Variants in MDGA2 observed in about 807,000 individuals in gnomAD.
MDGA2 encodes the protein MAM domain-containing glycosylphosphatidylinositol anchor protein 2.
Under a neutral mutation model 117.8 loss-of-function variants are expected in MDGA2, and 40 were observed. That is an observed-to-expected ratio of 0.34 (90% CI 0.26 to 0.44). The LOEUF (loss-of-function observed/expected upper bound fraction) is 0.44, where lower values mean the gene tolerates loss of function less well. Ranked by LOEUF, MDGA2 falls within the 20% of genes least tolerant of loss-of-function variation. The pLI is 1.00. For missense variants in MDGA2, 1,123 were observed against 1,250.6 expected (o/e 0.90, Z 1.54); for synonymous variants, 452 against 439.0 (o/e 1.03, Z -0.37).
chr14:47,412,312 G>T (rs180806826), intron 1 of MDGA2, among the ~76,000 whole-genome samples: 1 of 151,938 alleles, frequency 6.6e-6, no homozygotes, highest in Non-Finnish European at 1.5e-5. Flanking sequence ...ATAGGGTCTC[G>T]TTCAGCCACC....
intron 6 of MDGA2, among the ~76,000 whole-genome samples, chr14:47,092,666 C>G (rs1440893994): frequency 6.6e-6 from 1 of 152,056 alleles, no homozygotes; most frequent in Non-Finnish European, 1.5e-5. Context: ...TCTGAAGAAA[C>G]TAAAACCTGT....
At chr14:47,232,152 T>C (rs1045120983) in intron 2 of MDGA2, among the ~76,000 whole-genome samples, 1 of 152,076 alleles carries the variant, frequency 6.6e-6, no homozygotes, top group African/African-American at 2.4e-5. Flanking sequence ...TTGGGTTATA[T>C]CATGAAGAAT....
At position 47,061,350 on chromosome 14, in the gene MDGA2, T is replaced by A; in HGVS notation, c.1424A>T (p.Asp475Val). 1.9e-6 allele frequency: 3 copies of A among 1,613,642 alleles called. No homozygotes were observed. The highest frequency in any genetic ancestry group is 2.5e-6 in the Non-Finnish European group (3 of 1,179,682). Residue 475 changes from aspartate (D) to valine (V), a missense_variant, in exon 7 of 17, where the codon GAT becomes GTT. Around this residue, in one of 2 missense-constraint regions of MDGA2, gnomAD observed 890 missense variants for 1,050.3 expected, o/e 0.85. Coordinates refer to ENST00000399232, the MANE Select transcript of MDGA2 (RefSeq NM_001113498.3). Reference sequence around the variant, plus strand: ...CGTCCCAAAATCCGTGAATTTTAAATCAATGATGTCCAAGTTTGTTGTTCC... The same window carrying A: ...CGTCCCAAAATCCGTGAATTTTAAAACAATGATGTCCAAGTTTGTTGTTCC... ...SPGTTNLDII[D>V]LKFTDFGTYT...
rs1200212032 is a variant in MDGA2 at position 47,445,513 on chromosome 14, CA to C, written c.281-143964del. On this transcript the variant is annotated intron_variant, in intron 1 of 16. Coordinates refer to ENST00000399232, the MANE Select transcript of MDGA2 (RefSeq NM_001113498.3). ...CTTGCATACTCTATTTAAATTGTAACAAGAGAGTTTTATTTTTTCTTTTTAA... is the reference window on the plus strand; with the variant it reads ...CTTGCATACTCTATTTAAATTGTAACAGAGAGTTTTATTTTTTCTTTTTAA... Among the ~76,000 whole-genome samples the C allele has an allele frequency of 5.3e-5, 8 of 152,106 alleles. No homozygotes were observed. The South Asian group carries it at 1.5e-3, about 28-fold the overall frequency.
intron 8 of MDGA2, among the ~76,000 whole-genome samples, chr14:46,976,736 C>G (rs542414905): frequency 2.6e-5 from 4 of 151,898 alleles, no homozygotes; most frequent in Non-Finnish European, 5.9e-5. Context: ...GACACTTCTT[C>G]AGTTATTTAA....
chr14:47,037,442 A>G (rs1888894306), intron 7 of MDGA2, among the ~76,000 whole-genome samples: 1 of 152,216 alleles, frequency 6.6e-6, no homozygotes, highest in Non-Finnish European at 1.5e-5. Context: ...TCAATAAACA[A>G]TGGTATCTGG....
At chr14:47,637,415 A>G (rs757258081) in intron 1 of MDGA2, among the ~76,000 whole-genome samples, 10 of 152,228 alleles carry the variant, frequency 6.6e-5, no homozygotes, top group Admixed American at 1.3e-4. Flanking sequence ...TAAGAAAATG[A>G]ATTTGAGAGG....
At chr14:47,348,245 C>T (rs28535248) in intron 1 of MDGA2, among the ~76,000 whole-genome samples, 56,873 of 148,068 alleles carry the variant, frequency 0.38, 11,454 homozygotes, top group Admixed American at 0.55. Flanking sequence ...AAGATACAGT[C>T]TCACTCTGGA....
chr14:46,961,519 TTC>T (rs1401164609), intron 8 of MDGA2, among the ~76,000 whole-genome samples: 1 of 152,224 alleles, frequency 6.6e-6, no homozygotes, highest in East Asian at 1.9e-4. Context: ...ACTTCATTTA[TTC>T]TTTTTCTGTA....
chr14:47,429,354 G>A (rs1566452234), intron 1 of MDGA2, among the ~76,000 whole-genome samples: 1 of 151,782 alleles, frequency 6.6e-6, no homozygotes, highest in Non-Finnish European at 1.5e-5. Context: ...TTGATATTTA[G>A]TTCCAGTTCT....
At chr14:46,973,963 T>C (rs1886361646) in intron 8 of MDGA2, among the ~76,000 whole-genome samples, 1 of 151,668 alleles carries the variant, frequency 6.6e-6, no homozygotes, top group Non-Finnish European at 1.5e-5. Flanking sequence ...AGCCTCTGAC[T>C]CCTGGACTTA....
chr14:47,312,693 G>GTTTTT lies in MDGA2; in HGVS notation c.281-11144_281-11143insAAAAA, dbSNP rs375332903. 4.6e-3 allele frequency among the ~76,000 whole-genome samples: 484 copies of GTTTTT among 104,216 alleles called. 4 individuals are homozygous for GTTTTT. Among genetic ancestry groups the GTTTTT allele is most frequent in the East Asian group, 6.9e-3 (25 of 3,640 alleles). 68.4% of individuals were successfully genotyped at this position (104,216 alleles called of 152,430 possible). Reference sequence around the variant, plus strand: ...TAGTTTTTAGTTTTTTTTTTGTTTTGTTTTGTTTTTTTTTTTTGTAGAGAT... The same window carrying GTTTTT: ...TAGTTTTTAGTTTTTTTTTTGTTTTGTTTTTTTTTGTTTTTTTTTTTTGTAGAGAT... On this transcript the variant is annotated intron_variant, in intron 1 of 16. Coordinates refer to ENST00000399232, the MANE Select transcript of MDGA2 (RefSeq NM_001113498.3).
At chr14:47,577,413 T>C (rs1167598671) in intron 1 of MDGA2, among the ~76,000 whole-genome samples, 1 of 151,962 alleles carries the variant, frequency 6.6e-6, no homozygotes, top group Non-Finnish European at 1.5e-5. Flanking sequence ...CCAAAAGCAA[T>C]TGCAATACAA....
At chr14:47,423,306 T>G (rs1032319276) in intron 1 of MDGA2, among the ~76,000 whole-genome samples, 2 of 152,200 alleles carry the variant, frequency 1.3e-5, no homozygotes, top group Non-Finnish European at 2.9e-5. Flanking sequence ...TGAGTTAACT[T>G]TTTTCCTCTT....
chr14:47,530,057 G>A (rs577731361), intron 1 of MDGA2, among the ~76,000 whole-genome samples: 1 of 152,322 alleles, frequency 6.6e-6, no homozygotes, highest in South Asian at 2.1e-4. Context: ...GCTTCCCCCT[G>A]CAGAGAGCCT....
chr14:47,001,026 T>C (rs1347390025), intron 8 of MDGA2, among the ~76,000 whole-genome samples: 1 of 151,964 alleles, frequency 6.6e-6, no homozygotes, highest in Non-Finnish European at 1.5e-5. Flanking sequence ...CATAAAATAC[T>C]CAGACTTCGA....
At chr14:47,479,010 G>A (rs568664305) in intron 1 of MDGA2, among the ~76,000 whole-genome samples, 1 of 152,288 alleles carries the variant, frequency 6.6e-6, no homozygotes, top group South Asian at 2.1e-4. Context: ...AGTTCCGAGA[G>A]TAACAGTAGC....
chr14:47,286,803 TTA>T (rs34614614), intron 2 of MDGA2, among the ~76,000 whole-genome samples: 61,405 of 129,666 alleles, frequency 0.47, 14,774 homozygotes, highest in Admixed American at 0.59. Flanking sequence ...AGGCATATCA[TTA>T]TATATATATA....
At position 46,912,195 on chromosome 14, in the gene MDGA2, G is replaced by A. The variant is rs1486205197; in HGVS notation, c.2238+7817C>T. On this transcript the variant is annotated intron_variant, in intron 10 of 16. Coordinates refer to ENST00000399232, the MANE Select transcript of MDGA2 (RefSeq NM_001113498.3). ...AAATGACATTATTCAAGGACCTGCTGTACTTTGCTCATAAGCAAATTTGCA... is the reference window on the plus strand; with the variant it reads ...AAATGACATTATTCAAGGACCTGCTATACTTTGCTCATAAGCAAATTTGCA... Among the ~76,000 whole-genome samples the A allele has an allele frequency of 3.3e-5, 5 of 152,256 alleles. No individual in the cohort carries two copies. The South Asian group carries it at 1.0e-3, about 32-fold the overall frequency.
Sources: allele counts gnomAD v4.1 joint callset (sites outside exome capture counted in the v4.1 genomes callset), GRCh38; gene constraint gnomAD v4.1.1; regional missense constraint gnomAD v4.1.1; transcripts MANE v1.5; gene names NCBI Gene and HGNC (gene_info 2026-07-23, HGNC 2026-07-21).